ATP13A3: variants seen among roughly 807,000 people sequenced by gnomAD.
The protein encoded by ATP13A3 is ATPase 13A3.
A neutral mutation model predicts 158.1 loss-of-function variants in ATP13A3; 59 were observed. The observed-to-expected ratio is 0.37, with a 90% CI of 0.30 to 0.46. The LOEUF (loss-of-function observed/expected upper bound fraction) is 0.46. ATP13A3 is among the 20% of genes least tolerant of loss of function. The pLI is 1.00. For synonymous variants in ATP13A3, 491 were observed against 504.3 expected (o/e 0.97, Z 0.35); for missense variants, 1,166 against 1,525.2 (o/e 0.76, Z 3.92).
At chr3:194,429,403 T>C (rs929604370) in intron 27 of ATP13A3, among the ~76,000 whole-genome samples, 4 of 152,230 alleles carry the variant, frequency 2.6e-5, no homozygotes, top group Non-Finnish European at 4.4e-5. Flanking sequence ...ACTTTGATTA[T>C]AAAATCTGAT....
upstream of ATP13A3, among the ~76,000 whole-genome samples, chr3:194,491,584 C>T (rs539607155): frequency 9.7e-6 from 1 of 103,128 alleles, no homozygotes; most frequent in South Asian, 4.8e-4. Flanking sequence ...CTCCTCATCT[C>T]TCACCTGGCA....
At chr3:194,441,250 T>C in intron 16 of ATP13A3, 61 bp downstream of exon 16, 1 of 1,341,040 alleles carries the variant, frequency 7.5e-7, no homozygotes, top group Non-Finnish European at 1.0e-6. Context: ...TTGTATGAGG[T>C]AATTTAATTT....
chr3:194,482,901 T>C (rs1174907587), intron 2 of ATP13A3, among the ~76,000 whole-genome samples: 1 of 150,006 alleles, frequency 6.7e-6, no homozygotes, highest in African/African-American at 2.5e-5. Context: ...AGGTCAGGAG[T>C]TCAAGATCAG....
chr3:194,459,468 T>C lies in ATP13A3; in HGVS notation c.479+3A>G. On this transcript the variant is annotated splice_donor_region_variant and intron_variant, in intron 6 of 33. Coordinates refer to ENST00000645319, the MANE Select transcript of ATP13A3 (RefSeq NM_001367549.1). ...ACAATCCAAACAAAAGGAAGATACT[T>C]ACTTTAAGAAATCAAAATTGTGAAT... 3.2e-6 allele frequency: 5 copies of C among 1,553,196 alleles called. No individual in the cohort carries two copies. Among genetic ancestry groups the C allele is most frequent in the Non-Finnish European group, 4.4e-6 (5 of 1,125,350 alleles).
intron 2 of ATP13A3, among the ~76,000 whole-genome samples, chr3:194,479,614 G>C (rs546356387): frequency 6.6e-6 from 1 of 151,120 alleles, no homozygotes; most frequent in East Asian, 1.9e-4. Flanking sequence ...AAAAATCTTC[G>C]GTCTATAAGG....
chr3:194,483,106 C>CA (rs112702787), intron 2 of ATP13A3, among the ~76,000 whole-genome samples: 28,405 of 124,214 alleles, frequency 0.23, 3,431 homozygotes, highest in African/African-American at 0.34. Flanking sequence ...GACTCCGTCT[C>CA]AAAAAAAAAA....
intron 17 of ATP13A3, 75 bp from the exon 18 acceptor site, chr3:194,437,648 T>C (rs1374286808): frequency 1.4e-6 from 2 of 1,379,356 alleles, no homozygotes; most frequent in East Asian, 2.5e-5. Context: ...AAAAGTTTAC[T>C]AAGCATCCAC....
Position 194,459,815 on chromosome 3 carries a change from T to C in ATP13A3, c.382A>G (p.Lys128Glu). 1.9e-6 allele frequency: 3 copies of C among 1,612,566 alleles called. No individual in the cohort carries two copies. The highest frequency in any genetic ancestry group is 2.5e-6 in the Non-Finnish European group (3 of 1,179,306). The change falls in exon 5 of 34, where the codon AAA becomes GAA. Residue 128 changes from lysine (K) to glutamate (E), a missense_variant. Physicochemically the swap from Lys to Glu is moderately conservative, Grantham distance 56. This residue lies in a region of ATP13A3 where 104 missense variants were observed against 91.7 expected (regional missense o/e 1.13). Transcript: ENST00000645319. ...PTEENRHRIS[K>E]YSQTESQQIR... ...TGTTGTGATTCAGTCTGTGAATATT[T>C]ACTGATCCTGTGCCTATTTTCTTCA...
Position 194,448,037 on chromosome 3 carries a change from T to A in ATP13A3, c.1151-28A>T. 6.5e-7 allele frequency: 1 copy of A among 1,547,556 alleles called. No homozygotes were observed. The highest frequency in any genetic ancestry group is 8.8e-7 in the Non-Finnish European group (1 of 1,131,836). ...TTCAAAAAAAGAAGACAATTATTGA[T>A]ATTTTTATAAGAAAATGAGAATTAT... is the stretch of plus-strand genomic sequence containing the variant. On this transcript the variant is annotated intron_variant, in intron 12 of 33. Coordinates refer to ENST00000645319, the MANE Select transcript of ATP13A3 (RefSeq NM_001367549.1). This position sits in a 1 kb window ranked among gnomAD's most constrained non-coding sequence, Gnocchi z 4.0.
chr3:194,426,376 T>C (rs899449152), intron 29 of ATP13A3, among the ~76,000 whole-genome samples: 3 of 152,236 alleles, frequency 2.0e-5, no homozygotes, highest in Non-Finnish European at 4.4e-5. Context: ...TAATTTGTGA[T>C]CCGTAAAGCA....
chr3:194,455,997 A>G (rs1204509012), intron 7 of ATP13A3, 35 bp from the exon 8 acceptor site: 2 of 1,280,000 alleles, frequency 1.6e-6, no homozygotes, highest in South Asian at 1.4e-5. Context: ...GTATTACATT[A>G]TATCATAATA....
chr3:194,472,193 T>A (rs1720337138), intron 2 of ATP13A3: 1 of 156,528 alleles, frequency 6.4e-6, no homozygotes, highest in South Asian at 2.1e-4. Flanking sequence ...TTGCCCCAAT[T>A]TAAATTTAGA....
chr3:194,464,890 T>C (rs1719897514), intron 2 of ATP13A3, among the ~76,000 whole-genome samples: 1 of 152,124 alleles, frequency 6.6e-6, no homozygotes, highest in South Asian at 2.1e-4. Context: ...ATGCTGAGAC[T>C]GCAGGAATGA....
At chr3:194,481,284 G>A (rs73073171) in intron 2 of ATP13A3, among the ~76,000 whole-genome samples, 4,200 of 150,556 alleles carry the variant, frequency 0.028, 186 homozygotes, top group African/African-American at 0.097. Context: ...ACACATATGT[G>A]GGAGCAATTC....
intron 33 of ATP13A3, 84 bp from the exon 34 acceptor site, chr3:194,406,200 T>A: frequency 7.5e-7 from 1 of 1,333,698 alleles, no homozygotes. Flanking sequence ...AAAGCACACA[T>A]TAGCAGAGAA....
intron 2 of ATP13A3, among the ~76,000 whole-genome samples, chr3:194,473,717 T>C (rs993161507): frequency 6.6e-6 from 1 of 152,096 alleles, no homozygotes; most frequent in Non-Finnish European, 1.5e-5. Context: ...TATAGGTACA[T>C]AGGAACAAAA....
rs1431604564 is a variant in ATP13A3, at chr3:194,437,582, GAAACA to G, written c.1828-14_1828-10del. The stretch of plus-strand genomic sequence containing the variant: ...GGAAGTTCAAACAGCTCCTAAAAAC[GAAACA>G]AAACAAGAAAAAATAGTACAGATTA... On this transcript the variant is annotated splice_polypyrimidine_tract_variant and intron_variant, in intron 17 of 33. Transcript: ENST00000645319. 1 of 1,598,818 alleles carries G rather than the reference GAAACA, an allele frequency of 6.3e-7. No homozygotes were observed. Among genetic ancestry groups the G allele is most frequent in the East Asian group, 2.3e-5 (1 of 44,346 alleles).
intron 3 of ATP13A3, among the ~76,000 whole-genome samples, chr3:194,461,186 T>A (rs1719633223): frequency 6.6e-6 from 1 of 152,158 alleles, no homozygotes; most frequent in South Asian, 2.1e-4. Flanking sequence ...TGTTATGAGG[T>A]GGGCTTTTTT....
intron 27 of ATP13A3, 77 bp from the exon 28 acceptor site, chr3:194,428,994 T>C (rs1055407586): frequency 2.0e-6 from 2 of 986,602 alleles, no homozygotes; most frequent in Admixed American, 2.9e-5. Flanking sequence ...ATTAATAGTT[T>C]GGATTTTCCC....
Sources: gnomAD v4.1 joint callset for allele counts (sites outside exome capture counted in the v4.1 genomes callset) on GRCh38, gnomAD v4.1.1 for gene constraint, gnomAD v4.1.1 regional missense constraint, Gnocchi (gnomAD v3.1) non-coding constraint, MANE v1.5 for transcripts, NCBI Gene and HGNC (gene_info 2026-07-23, HGNC 2026-07-21) for gene names.